The following ANKRD13B variants were observed in gnomAD, a reference collection of about 807,000 sequenced individuals.
ANKRD13B encodes the protein ankyrin repeat domain 13B.
In ANKRD13B, 33 loss-of-function variants were observed where a neutral mutation model predicts 74.4. The ratio of observed to expected loss-of-function variants is 0.44; its 90% CI spans 0.34 to 0.59. The LOEUF is 0.59. Among genes scored for constraint, ANKRD13B ranks in the 20% least tolerant of loss-of-function variants. ANKRD13B has a pLI of 0.02. For missense variants in ANKRD13B, 676 were observed against 877.9 expected (o/e 0.77, Z 2.91); for synonymous variants, 341 against 362.9 (o/e 0.94, Z 0.68).
intron 1 of ANKRD13B, among the ~76,000 whole-genome samples, chr17:29,598,319 A>G (rs544143930): frequency 4.4e-4 from 67 of 152,296 alleles, no homozygotes; most frequent in Admixed American, 1.8e-3. Flanking sequence ...TTCATTTTTG[A>G]CAATGGAGTT....
In ANKRD13B at chr17:29,609,996, G is replaced by C. The variant is rs987309529; in HGVS notation, c.822+575G>C. ...ATCACCTGAGGTCAGTTCGAGACCA[G>C]CCTGGCTAACATGGTGAAACCCCGT... On this transcript the variant is annotated intron_variant, in intron 7 of 14. Coordinates refer to ENST00000394859, the MANE Select transcript of ANKRD13B (RefSeq NM_152345.5). The surrounding 1 kb of genome is among the most constrained non-coding windows in gnomAD (Gnocchi z 4.0). Among the ~76,000 whole-genome samples, 5 of 152,070 alleles carry C rather than the reference G, an allele frequency of 3.3e-5. No individual in the cohort carries two copies. Among genetic ancestry groups the C allele is most frequent in the African/African-American group, 1.2e-4 (5 of 41,390 alleles).
chr17:29,610,969 C>T (rs920799776), intron 8 of ANKRD13B, among the ~76,000 whole-genome samples: 1 of 152,212 alleles, frequency 6.6e-6, no homozygotes, highest in African/African-American at 2.4e-5. Context: ...AAGGACTCAT[C>T]TGGGTTCAGT....
chr17:29,604,806 G>C (rs1598607097), intron 1 of ANKRD13B, among the ~76,000 whole-genome samples: 2 of 152,182 alleles, frequency 1.3e-5, no homozygotes, highest in East Asian at 3.8e-4. Flanking sequence ...GCCTCCCAAA[G>C]TGCTGGGATT....
chr17:29,596,180 C>T (rs2033948626), intron 1 of ANKRD13B, among the ~76,000 whole-genome samples: 1 of 152,258 alleles, frequency 6.6e-6, no homozygotes, highest in African/African-American at 2.4e-5. Context: ...CGTGGGCAGG[C>T]TTGGCAGTGC....
At chr17:29,600,022 G>C (rs1001919869) in intron 1 of ANKRD13B, among the ~76,000 whole-genome samples, 1 of 151,512 alleles carries the variant, frequency 6.6e-6, no homozygotes. Flanking sequence ...GACTACAGGC[G>C]CCCGCCACCA....
intron 1 of ANKRD13B, among the ~76,000 whole-genome samples, chr17:29,607,459 G>A (rs988784297): frequency 6.6e-6 from 1 of 152,218 alleles, no homozygotes; most frequent in South Asian, 2.1e-4. Flanking sequence ...CCCAGCCAGG[G>A]GCCCTTGGTG....
chr17:29,609,029 G>T lies in ANKRD13B; in HGVS notation c.565+35G>T. ...GCAGGAAGTGGGGCAGGGTGGGGAC[G>T]ATGGGAGGCAGCCCCAGGCCACCCC... is the stretch of plus-strand genomic sequence containing the variant. On this transcript the variant is annotated intron_variant, in intron 5 of 14. Transcript: ENST00000394859. This position sits in a 1 kb window ranked among gnomAD's most constrained non-coding sequence, Gnocchi z 4.0. The T allele has an allele frequency of 6.2e-7, 1 of 1,613,500 alleles. No homozygotes were observed. The highest frequency in any genetic ancestry group is 8.5e-7 in the Non-Finnish European group (1 of 1,179,982).
chr17:29,602,662 A>C (rs1265682434), intron 1 of ANKRD13B, among the ~76,000 whole-genome samples: 1 of 152,150 alleles, frequency 6.6e-6, no homozygotes, highest in Non-Finnish European at 1.5e-5. Context: ...GTGATCCAGG[A>C]TTATTTCATC....
Position 29,593,650 on chromosome 17 carries a change from A to AT in ANKRD13B, c.29_30insT (p.Lys10AsnfsTer53). Reference sequence around the variant, plus strand: ...ATCCCCGCCAACGCCTCCGCCAGGAAGGGGCCCGAGGGCAAGTATCCGCTG... The same window carrying AT: ...ATCCCCGCCAACGCCTCCGCCAGGAATGGGGCCCGAGGGCAAGTATCCGCTG... On this transcript the variant is annotated frameshift_variant, in exon 1 of 15. Coordinates refer to ENST00000394859, the MANE Select transcript of ANKRD13B (RefSeq NM_152345.5). LOFTEE classifies it high-confidence loss of function. The AT allele has an allele frequency of 7.1e-7, 1 of 1,400,944 alleles. No individual in the cohort carries two copies. Among genetic ancestry groups the AT allele is most frequent in the Admixed American group, 2.6e-5 (1 of 38,562 alleles). 86.8% of individuals were successfully genotyped at this position (1,400,944 alleles called of 1,614,324 possible). A position where few individuals can be genotyped will look rare whatever the true frequency, so the allele number is the denominator to read the frequency against.
intron 14 of ANKRD13B, 99 bp from the exon 15 acceptor site, chr17:29,613,255 G>C: frequency 1.4e-6 from 2 of 1,390,656 alleles, no homozygotes; most frequent in Non-Finnish European, 1.9e-6. Context: ...ACTAGAGGGT[G>C]GTGGCCGCGG....
rs758452197 is a variant in ANKRD13B, at chr17:29,609,409, G to C, written c.810G>C (p.Gly270=). Reference sequence around the variant, plus strand: ...GTGAAAAGACGGAGATGGTGAATGGGTATGAAGCTAAGGTGAGGCTGCAGC... The same window carrying C: ...GTGAAAAGACGGAGATGGTGAATGGCTATGAAGCTAAGGTGAGGCTGCAGC... The part of the protein sequence containing the change: ...WRSEKTEMVN[G]YEAKVYGASN... Residue 270 remains glycine, a synonymous_variant, in exon 7 of 15, where the codon GGG becomes GGC. Transcript: ENST00000394859. This position sits in a 1 kb window ranked among gnomAD's most constrained non-coding sequence, Gnocchi z 4.0. 6.2e-7 allele frequency: 1 copy of C among 1,613,332 alleles called. No homozygotes were observed. Among genetic ancestry groups the C allele is most frequent in the South Asian group, 1.1e-5 (1 of 91,082 alleles).
Position 29,611,958 on chromosome 17 carries a change from GCAA to G in ANKRD13B, c.1054_1056del (p.Asn352del). 1 of 1,614,116 alleles carries G rather than the reference GCAA, an allele frequency of 6.2e-7. No homozygotes were observed. Among genetic ancestry groups the G allele is most frequent in the South Asian group, 1.1e-5 (1 of 91,078 alleles). On this transcript the variant is annotated inframe_deletion, in exon 10 of 15. Transcript: ENST00000394859. The surrounding 1 kb of genome is among the most constrained non-coding windows in gnomAD (Gnocchi z 4.3). ...TACTTCAACCCCAACTTTGAGCTGGGCAACCGTGATATGGGCCGCCCCATGGAA... is the reference window on the plus strand; with the variant it reads ...TACTTCAACCCCAACTTTGAGCTGGGCCGTGATATGGGCCGCCCCATGGAA...
At chr17:29,610,190 T>TAAA (rs770944356) in intron 7 of ANKRD13B, among the ~76,000 whole-genome samples, 4 of 95,522 alleles carry the variant, frequency 4.2e-5, no homozygotes, top group Admixed American at 1.2e-4. Flanking sequence ...AGACTCCATC[T>TAAA]AAAAAAAAAA....
At chr17:29,607,110 G>A (rs1221161850) in intron 1 of ANKRD13B, among the ~76,000 whole-genome samples, 1 of 151,904 alleles carries the variant, frequency 6.6e-6, no homozygotes, top group East Asian at 1.9e-4. Context: ...TCACACAACA[G>A]AAATCTCATG....
intron 1 of ANKRD13B, among the ~76,000 whole-genome samples, chr17:29,601,855 T>G (rs967270480): frequency 2.0e-5 from 3 of 152,228 alleles, no homozygotes; most frequent in African/African-American, 7.2e-5. Flanking sequence ...TTTCCTGGCT[T>G]ACATAGTTTC....
intron 8 of ANKRD13B, among the ~76,000 whole-genome samples, 199 bp downstream of exon 8, chr17:29,610,965 T>C (rs2034561812): frequency 6.6e-6 from 1 of 152,198 alleles, no homozygotes; most frequent in Non-Finnish European, 1.5e-5. Flanking sequence ...TTCTAAGGAC[T>C]CATCTGGGTT....
chr17:29,603,594 G>T (rs2034256999), intron 1 of ANKRD13B, among the ~76,000 whole-genome samples: 1 of 152,128 alleles, frequency 6.6e-6, no homozygotes, highest in African/African-American at 2.4e-5. Flanking sequence ...CTTCAGTTTG[G>T]AAAGTTCTAT....
intron 1 of ANKRD13B, among the ~76,000 whole-genome samples, chr17:29,606,462 G>C (rs538817182): frequency 3.3e-5 from 5 of 151,794 alleles, no homozygotes; most frequent in Non-Finnish European, 5.9e-5. Flanking sequence ...GAAGGCTGAG[G>C]CACAAGAATC....
intron 1 of ANKRD13B, among the ~76,000 whole-genome samples, chr17:29,597,804 C>G (rs1387917598): frequency 2.0e-5 from 3 of 151,928 alleles, no homozygotes; most frequent in Admixed American, 1.3e-4. Context: ...GCTGAGCCAT[C>G]CAGGCCTCCC....
Sources: gnomAD v4.1 joint callset for allele counts (sites outside exome capture counted in the v4.1 genomes callset) on GRCh38, gnomAD v4.1.1 for gene constraint, Gnocchi (gnomAD v3.1) non-coding constraint, MANE v1.5 for transcripts, NCBI Gene and HGNC (gene_info 2026-07-23, HGNC 2026-07-21) for gene names.